The following SMIM14 variants were observed in gnomAD, a reference collection of about 807,000 sequenced individuals.
SMIM14 encodes the protein chromosome 4 open reading frame 34.
In SMIM14, 5 loss-of-function variants were observed where a neutral mutation model predicts 12.6. The ratio of observed to expected loss-of-function variants is 0.40; its 90% confidence interval spans 0.21 to 0.83. The LOEUF (loss-of-function observed/expected upper bound fraction) is 0.83, where lower values mean the gene tolerates loss of function less well. Ranked by LOEUF, SMIM14 falls within the 40% of genes least tolerant of loss-of-function variation. The pLI is 0.37. For missense variants in SMIM14, 86 were observed against 119.1 expected (o/e 0.72, Z 1.29); for synonymous variants, 30 against 40.1 (o/e 0.75, Z 0.95).
intron 2 of SMIM14, among the ~76,000 whole-genome samples, chr4:39,574,282 C>T (rs901335467): frequency 2.8e-5 from 4 of 140,844 alleles, no homozygotes; most frequent in African/African-American, 5.3e-5. Flanking sequence ...GAGACGGAGT[C>T]TCGCTCTGTC....
chr4:39,569,664 G>A (rs1159233789), intron 3 of SMIM14, among the ~76,000 whole-genome samples: 1 of 152,028 alleles, frequency 6.6e-6, no homozygotes, highest in South Asian at 2.1e-4. Context: ...CTGAACCTGG[G>A]TGGCGGAGGT....
intron 2 of SMIM14, among the ~76,000 whole-genome samples, chr4:39,600,756 A>C (rs1489471825): frequency 1.3e-5 from 2 of 152,074 alleles, no homozygotes; most frequent in East Asian, 3.9e-4. Flanking sequence ...CTGTAGTCCC[A>C]GCTACTCGGG....
intron 1 of SMIM14, among the ~76,000 whole-genome samples, chr4:39,634,835 G>A (rs115197361): frequency 0.013 from 1,932 of 151,052 alleles, 19 homozygotes; most frequent in Middle Eastern, 0.034. Flanking sequence ...CTTTTCCATG[G>A]GAAAAAAAAA....
intron 1 of SMIM14, among the ~76,000 whole-genome samples, chr4:39,610,283 G>A (rs1171039138): frequency 1.3e-5 from 2 of 152,024 alleles, no homozygotes; most frequent in Admixed American, 6.6e-5. Context: ...CACCGCGCCT[G>A]GTCCAATTTA....
chr4:39,637,489 T>G (rs1716139541), intron 1 of SMIM14, among the ~76,000 whole-genome samples: 1 of 151,628 alleles, frequency 6.6e-6, no homozygotes, highest in South Asian at 2.1e-4. Context: ...CTGGGTTTGA[T>G]AAGGAGCAAT....
intron 1 of SMIM14, among the ~76,000 whole-genome samples, chr4:39,616,130 T>TTTG (rs570911027): frequency 2.4e-4 from 37 of 152,106 alleles, no homozygotes; most frequent in Admixed American, 1.5e-3. Context: ...TATTCCCAAT[T>TTTG]TTGTTGTTGT....
rs1045610703 is a variant in SMIM14 at position 39,605,016 on chromosome 4, G to A, written c.75+55C>T. On this transcript the variant is annotated intron_variant, in intron 2 of 4. Coordinates refer to ENST00000295958, the MANE Select transcript of SMIM14 (RefSeq NM_174921.3). ...CCAATAACCAGTATTTTCATGAAAA[G>A]AGGATACAAGGGATACAGATCAGTT... 13 of 1,060,422 alleles carry A rather than the reference G, an allele frequency of 1.2e-5. No individual in the cohort carries two copies. The East Asian group carries it at 3.2e-4, about 26-fold the overall frequency. 65.7% of individuals were successfully genotyped at this position (1,060,422 alleles called of 1,614,324 possible).
In SMIM14 at chr4:39,547,235, A is replaced by C. The variant is rs1355973629; in HGVS notation, c.*4891T>G. On this transcript the variant is annotated 3_prime_UTR_variant, in exon 5 of 5. Transcript: ENST00000295958. Reference sequence around the variant, plus strand: ...AGAAACTGTTTAATACACAATGTTAACATCTACTAGGCAAAAGATGCTTGC... The same window carrying C: ...AGAAACTGTTTAATACACAATGTTACCATCTACTAGGCAAAAGATGCTTGC... 2 of 152,204 alleles carry C rather than the reference A, an allele frequency of 1.3e-5. No homozygotes were observed. Among genetic ancestry groups the C allele is most frequent in the Non-Finnish European group, 2.9e-5 (2 of 68,028 alleles). 9.4% of individuals were successfully genotyped at this position (152,204 alleles called of 1,614,324 possible). A position where few individuals can be genotyped will look rare whatever the true frequency, so the allele number is the denominator to read the frequency against.
At chr4:39,602,731 A>T (rs1714664703) in intron 2 of SMIM14, among the ~76,000 whole-genome samples, 1 of 152,146 alleles carries the variant, frequency 6.6e-6, no homozygotes, top group African/African-American at 2.4e-5. Context: ...AGTCTGATTT[A>T]ATGTATAAGT....
intron 1 of SMIM14, among the ~76,000 whole-genome samples, chr4:39,621,638 T>C (rs997448802): frequency 6.6e-5 from 10 of 150,770 alleles, no homozygotes; most frequent in African/African-American, 1.9e-4. Flanking sequence ...TAAAAAGAAA[T>C]ATTTAAATTG....
chr4:39,636,882 A>C (rs138700392), intron 1 of SMIM14, among the ~76,000 whole-genome samples: 45 of 152,320 alleles, frequency 3.0e-4, no homozygotes, highest in African/African-American at 1.1e-3. Flanking sequence ...AGTTATGTGA[A>C]TGTGGTCTCT....
chr4:39,564,585 C>T (rs1417359947), intron 3 of SMIM14, among the ~76,000 whole-genome samples: 2 of 152,104 alleles, frequency 1.3e-5, no homozygotes, highest in South Asian at 2.1e-4. Context: ...TTGTGTTCTG[C>T]GAGGGTGCCC....
At chr4:39,561,221 T>C (rs1484126987) in intron 3 of SMIM14, among the ~76,000 whole-genome samples, 1 of 152,208 alleles carries the variant, frequency 6.6e-6, no homozygotes, top group Non-Finnish European at 1.5e-5. Flanking sequence ...TTGAGCATCA[T>C]GTCAGCACTG....
At chr4:39,592,577 G>A (rs1714160342) in intron 2 of SMIM14, 1 of 152,038 alleles carries the variant, frequency 6.6e-6, no homozygotes, top group South Asian at 2.1e-4. Context: ...AAGGTAATGA[G>A]AAGTTTTATT....
At chr4:39,607,863 A>C (rs1185994961) in intron 1 of SMIM14, among the ~76,000 whole-genome samples, 3 of 152,252 alleles carry the variant, frequency 2.0e-5, no homozygotes, top group Non-Finnish European at 4.4e-5. Flanking sequence ...TTTAAATGGC[A>C]AAGAACTTGA....
chr4:39,637,656 C>G (rs1404549121), intron 1 of SMIM14, among the ~76,000 whole-genome samples: 1 of 151,930 alleles, frequency 6.6e-6, no homozygotes, highest in Non-Finnish European at 1.5e-5. Context: ...GTGCTGTCGA[C>G]GGCCGCGGAG....
intron 1 of SMIM14, among the ~76,000 whole-genome samples, chr4:39,625,033 C>T (rs1715638307): frequency 6.7e-6 from 1 of 150,366 alleles, no homozygotes; most frequent in African/African-American, 2.4e-5. Context: ...GATGAAACCC[C>T]ATCTCTACTA....
intron 3 of SMIM14, among the ~76,000 whole-genome samples, chr4:39,561,151 T>C (rs1243838761): frequency 3.3e-5 from 5 of 152,208 alleles, no homozygotes; most frequent in African/African-American, 1.2e-4. Flanking sequence ...AATATACTTA[T>C]TGGTTCAGCA....
intron 2 of SMIM14, among the ~76,000 whole-genome samples, chr4:39,575,897 CT>C (rs148467773): frequency 0.058 from 7,725 of 132,820 alleles, 654 homozygotes; most frequent in African/African-American, 0.2. Flanking sequence ...ACCCAGCCTA[CT>C]TTTTTTTTTT....
Sources: gnomAD v4.1 joint callset for allele counts (sites outside exome capture counted in the v4.1 genomes callset) on GRCh38, gnomAD v4.1.1 for gene constraint, MANE v1.5 for transcripts, NCBI Gene and HGNC (gene_info 2026-07-23, HGNC 2026-07-21) for gene names.